Variants in MAPK10 observed in about 807,000 individuals in gnomAD.
The protein encoded by MAPK10 is JNK3 alpha protein kinase.
MAPK10 carries 25 observed loss-of-function variants against 59.3 expected under a neutral mutation model. The ratio of observed to expected loss-of-function variants is 0.42; its 90% CI spans 0.31 to 0.59. MAPK10 has a LOEUF of 0.59. Among genes scored for constraint, MAPK10 ranks in the 20% least tolerant of loss-of-function variants. The pLI, the probability that MAPK10 is intolerant of heterozygous loss-of-function variation, is 0.15. For missense variants in MAPK10, 351 were observed against 568.9 expected (o/e 0.62, Z 3.90); for synonymous variants, 190 against 200.5 (o/e 0.95, Z 0.44).
intron 5 of MAPK10, among the ~76,000 whole-genome samples, chr4:86,105,568 C>T (rs952112196): frequency 2.0e-4 from 31 of 152,072 alleles, no homozygotes; most frequent in Non-Finnish European, 3.8e-4. Context: ...GTATGGAAAA[C>T]TTTCCATACA....
chr4:86,550,396 A>C (rs1297049372), intron 1 of MAPK10, among the ~76,000 whole-genome samples: 8 of 121,216 alleles, frequency 6.6e-5, no homozygotes, highest in African/African-American at 2.3e-4. Flanking sequence ...AAAAAAAAAA[A>C]AAAAAAAAAA....
intron 2 of MAPK10, among the ~76,000 whole-genome samples, chr4:86,255,023 G>A (rs538089350): frequency 2.2e-4 from 33 of 152,116 alleles, no homozygotes; most frequent in Non-Finnish European, 4.3e-4. Flanking sequence ...CTGAATCAGA[G>A]TAACATATCC....
At chr4:86,340,466 G>C (rs1283706145) in intron 2 of MAPK10, 2 of 152,184 alleles carry the variant, frequency 1.3e-5, no homozygotes, top group Non-Finnish European at 2.9e-5. Flanking sequence ...GGAGGGAAGT[G>C]CTACACTTTT....
intron 2 of MAPK10, among the ~76,000 whole-genome samples, chr4:86,249,232 A>G (rs755376862): frequency 6.6e-6 from 1 of 152,166 alleles, no homozygotes; most frequent in Non-Finnish European, 1.5e-5. Flanking sequence ...TAAAATAAAT[A>G]GGAGCTTATT....
At chr4:86,435,640 T>A (rs1748624232) in intron 1 of MAPK10, among the ~76,000 whole-genome samples, 3 of 152,194 alleles carry the variant, frequency 2.0e-5, no homozygotes, top group Admixed American at 1.3e-4. Flanking sequence ...TATTTAATAA[T>A]GCAGCCCCAT....
At chr4:86,197,623 A>T (rs534204448) in intron 2 of MAPK10, among the ~76,000 whole-genome samples, 79 of 152,268 alleles carry the variant, frequency 5.2e-4, no homozygotes, top group South Asian at 2.1e-3. Context: ...CATACTGGAG[A>T]CACTGCATAA....
At chr4:86,281,753 T>C (rs1428020890) in intron 2 of MAPK10, among the ~76,000 whole-genome samples, 1 of 152,040 alleles carries the variant, frequency 6.6e-6, no homozygotes, top group East Asian at 1.9e-4. Flanking sequence ...CACAAGTTTT[T>C]CCTAGTCTCG....
chr4:86,270,838 G>A (rs948941039), intron 2 of MAPK10, among the ~76,000 whole-genome samples: 3 of 152,028 alleles, frequency 2.0e-5, no homozygotes, highest in Non-Finnish European at 4.4e-5. Flanking sequence ...CATGCATGTT[G>A]CAGATCGCAT....
rs774888052 is a variant in MAPK10, at chr4:86,107,373, C to A, written c.237-21G>T. On this transcript the variant is annotated intron_variant, in intron 4 of 13. Transcript: ENST00000641462. ...CGGCACTGTAGAGATCCAAGAGCAA[C>A]TCAGAATTAAGAACAAAAGATTCCT... 7 of 1,596,220 alleles carry A rather than the reference C, an allele frequency of 4.4e-6. No individual in the cohort carries two copies. In the Admixed American group the frequency reaches 1.3e-4, roughly 29 times the overall value.
At chr4:86,267,798 T>TA (rs553957479) in intron 2 of MAPK10, among the ~76,000 whole-genome samples, 18 of 151,540 alleles carry the variant, frequency 1.2e-4, no homozygotes, top group Non-Finnish European at 1.9e-4. Context: ...TGATCTCACT[T>TA]AAAAAAAAAT....
intron 1 of MAPK10, among the ~76,000 whole-genome samples, chr4:86,460,077 T>G (rs1232886219): frequency 6.6e-6 from 1 of 152,222 alleles, no homozygotes; most frequent in East Asian, 1.9e-4. Flanking sequence ...TCATTAAATC[T>G]TTGTTCATTT....
intron 1 of MAPK10, among the ~76,000 whole-genome samples, chr4:86,435,041 C>T (rs1490932335): frequency 1.3e-5 from 2 of 152,188 alleles, no homozygotes; most frequent in East Asian, 3.9e-4. Flanking sequence ...AAGCCAACCA[C>T]AGAAAGACAA....
chr4:86,522,196 C>A (rs932814205), intron 1 of MAPK10, among the ~76,000 whole-genome samples: 11 of 152,168 alleles, frequency 7.2e-5, no homozygotes, highest in Non-Finnish European at 1.2e-4. Context: ...AGTTTTTTGG[C>A]TGTCTTGTGG....
intron 2 of MAPK10, among the ~76,000 whole-genome samples, chr4:86,344,636 G>T (rs962108459): frequency 1.3e-5 from 2 of 151,916 alleles, no homozygotes; most frequent in Admixed American, 6.6e-5. Flanking sequence ...GAGGGAGGGA[G>T]GAAGGAAGGG....
chr4:86,271,836 A>C (rs2094443457), intron 2 of MAPK10, among the ~76,000 whole-genome samples: 2 of 152,058 alleles, frequency 1.3e-5, no homozygotes, highest in African/African-American at 4.8e-5. Context: ...CATGGGGGTC[A>C]CTGCCCTCCA....
At chr4:86,389,912 A>G (rs1015507155) in intron 1 of MAPK10, among the ~76,000 whole-genome samples, 3 of 150,328 alleles carry the variant, frequency 2.0e-5, no homozygotes, top group Non-Finnish European at 3.0e-5. Context: ...ATTCATGTTG[A>G]AAGAACCTCC....
chr4:86,054,231 G>A lies in MAPK10; in HGVS notation c.1110+10035C>T, dbSNP rs115865469. Among the ~76,000 whole-genome samples, 232 of 152,216 alleles carry A rather than the reference G, an allele frequency of 1.5e-3. 2 individuals carry two copies. The highest frequency in any genetic ancestry group is 6.8e-3 in the Middle Eastern group (2 of 294). On this transcript the variant is annotated intron_variant, in intron 11 of 13. Transcript: ENST00000641462. ...AGGAATAGAACTTGCTAAAATTAGA[G>A]ATAAATGAGTTACATATTTTCAGTG...
intron 2 of MAPK10, among the ~76,000 whole-genome samples, chr4:86,275,789 T>C (rs1377545940): frequency 2.0e-5 from 3 of 152,070 alleles, no homozygotes; most frequent in African/African-American, 7.2e-5. Flanking sequence ...AACCACCTCT[T>C]TCAGGAAGCT....
intron 2 of MAPK10, among the ~76,000 whole-genome samples, chr4:86,309,528 G>A (rs779500732): frequency 4.6e-5 from 7 of 152,180 alleles, no homozygotes; most frequent in Non-Finnish European, 8.8e-5. Context: ...CAATACTGAA[G>A]TAACCAGAAA....
Sources: allele counts gnomAD v4.1 joint callset (sites outside exome capture counted in the v4.1 genomes callset), GRCh38; gene constraint gnomAD v4.1.1; transcripts MANE v1.5; gene names NCBI Gene and HGNC (gene_info 2026-07-23, HGNC 2026-07-21).